Variants in NEK5 observed in about 807,000 individuals in gnomAD.
NEK5 encodes the protein NIMA related kinase 5, also known as serine/threonine-protein kinase Nek5.
A neutral mutation model predicts 109.2 loss-of-function variants in NEK5; 88 were observed. The ratio of observed to expected loss-of-function variants is 0.81; its 90% confidence interval spans 0.68 to 0.96. NEK5 has a LOEUF of 0.96. Ranked by LOEUF, NEK5 falls within the 40% of genes least tolerant of loss-of-function variation. NEK5 has a pLI of 0.00. For synonymous variants in NEK5, 283 were observed against 299.9 expected, an observed-to-expected ratio of 0.94 and a Z score of 0.58; for missense variants, 834 against 920.7, an observed-to-expected ratio of 0.91 and a Z score of 1.22.
At position 52,078,939 on chromosome 13, in the gene NEK5, AAGAT is replaced by A. The variant is rs1245526968; in HGVS notation, c.1573-2800_1573-2797del. ...GACAACCAACTTCACAAATATAAGT[AAGAT>A]AGATAAGTCATAGTCCTGATTTCAG... On this transcript the variant is annotated intron_variant, in intron 17 of 23. Transcript: ENST00000684899. Among the ~76,000 whole-genome samples, 5 of 152,384 alleles carry A rather than the reference AAGAT, an allele frequency of 3.3e-5. No individual in the cohort carries two copies. In the East Asian group the frequency reaches 9.6e-4, roughly 29 times the overall value.
At chr13:52,087,511 G>T in intron 14 of NEK5, 57 bp from the exon 15 acceptor site, 2 of 863,146 alleles carry the variant, frequency 2.3e-6, no homozygotes, top group South Asian at 1.6e-5. Context: ...AACATCTTCT[G>T]ATTTGACATT....
intron 16 of NEK5, among the ~76,000 whole-genome samples, chr13:52,083,582 G>C (rs538271278): frequency 3.3e-5 from 5 of 151,686 alleles, no homozygotes; most frequent in Non-Finnish European, 5.9e-5. Flanking sequence ...TGTCACCCAG[G>C]CTGGAGTGCA....
At chr13:52,089,392 T>C (rs1955228666) in intron 13 of NEK5, 79 bp from the exon 14 acceptor site, 3 of 871,456 alleles carry the variant, frequency 3.4e-6, no homozygotes, top group African/African-American at 1.7e-5. Context: ...ATTTTCAGTT[T>C]AGTAATGAGA....
intron 11 of NEK5, 148 bp from the exon 12 acceptor site, chr13:52,100,024 CT>C: frequency 1.8e-6 from 1 of 553,608 alleles, no homozygotes. Flanking sequence ...AGTGAGAGTA[CT>C]GATGAAAAAT....
At chr13:52,119,868 T>G (rs1165129375) in intron 3 of NEK5, among the ~76,000 whole-genome samples, 3 of 152,222 alleles carry the variant, frequency 2.0e-5, no homozygotes, top group Non-Finnish European at 4.4e-5. Flanking sequence ...GATGACTACA[T>G]TTTTCATTTT....
intron 22 of NEK5, among the ~76,000 whole-genome samples, chr13:52,055,249 A>T (rs2137710433): frequency 6.6e-6 from 1 of 152,322 alleles, no homozygotes; most frequent in Non-Finnish European, 1.5e-5. Context: ...AGTTTAGAGA[A>T]AAAAGAATAA....
chr13:52,094,705 C>T (rs972970108), intron 12 of NEK5, among the ~76,000 whole-genome samples: 1 of 152,162 alleles, frequency 6.6e-6, no homozygotes, highest in African/African-American at 2.4e-5. Flanking sequence ...ACCCGGGAGG[C>T]GGAGCTTGCA....
intron 23 of NEK5, among the ~76,000 whole-genome samples, chr13:52,041,199 T>A (rs376074032): frequency 1.3e-5 from 2 of 152,024 alleles, no homozygotes; most frequent in Admixed American, 6.5e-5. Flanking sequence ...AAGAAAAAAA[T>A]TGGACCATGA....
chr13:52,074,549 C>T (rs1593939695), intron 19 of NEK5, among the ~76,000 whole-genome samples: 1 of 152,148 alleles, frequency 6.6e-6, no homozygotes, highest in East Asian at 1.9e-4. Flanking sequence ...ACCTAGGAAA[C>T]ACCATTATGA....
At chr13:52,057,204 T>A (rs1235433391) in intron 22 of NEK5, among the ~76,000 whole-genome samples, 1 of 152,040 alleles carries the variant, frequency 6.6e-6, no homozygotes, top group Non-Finnish European at 1.5e-5. Context: ...CTAGAAGACA[T>A]GGATAAATTC....
In NEK5 at chr13:52,104,541, G is replaced by C; in HGVS notation, c.566C>G (p.Ser189Cys). ...GAGCTCATATAAGACACAGCCAAGA[G>C]ACCAAATATCCCTAAAGAAGATAAG... ...KPYNNKTDIW[S>C]LGCVLYELCT... The change falls in exon 9 of 24, where the codon TCT (serine) becomes TGT (cysteine). Residue 189 changes from serine to cysteine, a missense_variant. This residue lies in a region of NEK5 where 777 missense variants were observed against 824.7 expected (regional missense o/e 0.94). Coordinates refer to ENST00000684899, the MANE Select transcript of NEK5 (RefSeq NM_001365552.1). The C allele has an allele frequency of 1.9e-6, 3 of 1,604,064 alleles. No individual in the cohort carries two copies. Among genetic ancestry groups the C allele is most frequent in the Non-Finnish European group, 2.6e-6 (3 of 1,171,056 alleles).
intron 4 of NEK5, among the ~76,000 whole-genome samples, chr13:52,116,843 A>T (rs901222827): frequency 6.6e-5 from 10 of 152,188 alleles, no homozygotes; most frequent in African/African-American, 2.4e-4. Flanking sequence ...ACATGGAATT[A>T]ATTTTGTCTT....
At chr13:52,052,951 A>G (rs1323111974) in intron 22 of NEK5, among the ~76,000 whole-genome samples, 1 of 152,126 alleles carries the variant, frequency 6.6e-6, no homozygotes, top group Non-Finnish European at 1.5e-5. Flanking sequence ...CTTGCTAACA[A>G]TTGTTTAGGG....
At chr13:52,092,951 T>C (rs1402085866) in intron 13 of NEK5, 103 bp downstream of exon 13, 1 of 772,966 alleles carries the variant, frequency 1.3e-6, no homozygotes, top group East Asian at 2.7e-5. Context: ...AAAGTTCTTC[T>C]TGGATTATTT....
At chr13:52,070,392 T>G (rs1954764623) in intron 20 of NEK5, among the ~76,000 whole-genome samples, 1 of 152,242 alleles carries the variant, frequency 6.6e-6, no homozygotes, top group Non-Finnish European at 1.5e-5. Context: ...ATCGTTTGGC[T>G]GTGTCCCACC....
intron 12 of NEK5, among the ~76,000 whole-genome samples, chr13:52,097,233 C>A (rs570566925): frequency 1.3e-5 from 2 of 152,208 alleles, no homozygotes; most frequent in Non-Finnish European, 2.9e-5. Context: ...GCATTGGAGC[C>A]TCCACACAGA....
Position 52,119,376 on chromosome 13 carries a change from T to A in NEK5, c.157A>T (p.Ile53Phe). The change falls in exon 4 of 24, where the codon ATT becomes TTT. Residue 53 changes from isoleucine to phenylalanine, a missense_variant. By Grantham distance (21) the Ile-to-Phe change is conservative. Coordinates refer to ENST00000684899, the MANE Select transcript of NEK5 (RefSeq NM_001365552.1). Reference sequence around the variant, plus strand: ...GGATGTTTCATCTTTTCCAGAAGAATCACTTCTTTCTTTGAAGCTTCTTTT... The same window carrying A: ...GGATGTTTCATCTTTTCCAGAAGAAACACTTCTTTCTTTGAAGCTTCTTTT... Reference protein sequence around the residue: ...QEKEASKKEVILLEKMKHPNI... With the variant: ...QEKEASKKEVFLLEKMKHPNI... 2 of 1,603,562 alleles carry A rather than the reference T, an allele frequency of 1.2e-6. No homozygotes were observed. Among genetic ancestry groups the A allele is most frequent in the Non-Finnish European group, 1.7e-6 (2 of 1,172,202 alleles).
In NEK5 at chr13:52,112,302, T is replaced by C. The variant is rs986616378; in HGVS notation, c.278A>G (p.Asn93Ser). The change falls in exon 5 of 24, where the codon AAT becomes AGT. Residue 93 changes from asparagine (N) to serine (S), a missense_variant. Asn to Ser is a conservative substitution (Grantham distance 46, BLOSUM62 1). Coordinates refer to ENST00000684899, the MANE Select transcript of NEK5 (RefSeq NM_001365552.1). The part of the protein sequence containing the change: ...CDGGDLMKRI[N>S]RQRGVLFSED... The stretch of plus-strand genomic sequence containing the variant: ...ACTAAATAACACACCCCGTTGTCTA[T>C]TGATCCTTTTCATGAGATCCCCTCC... The C allele has an allele frequency of 1.9e-6, 3 of 1,611,378 alleles. No individual in the cohort carries two copies. Among genetic ancestry groups the C allele is most frequent in the East Asian group, 2.2e-5 (1 of 44,828 alleles).
chr13:52,121,479 A>G (rs1955969027), intron 3 of NEK5, among the ~76,000 whole-genome samples: 1 of 152,172 alleles, frequency 6.6e-6, no homozygotes, highest in South Asian at 2.1e-4. Context: ...TTCTTCTAGA[A>G]ATTTATCCAA....
Sources: gnomAD v4.1 joint callset for allele counts (sites outside exome capture counted in the v4.1 genomes callset) on GRCh38, gnomAD v4.1.1 for gene constraint, gnomAD v4.1.1 regional missense constraint, MANE v1.5 for transcripts, NCBI Gene and HGNC (gene_info 2026-07-23, HGNC 2026-07-21) for gene names.